The following MAPK14 variants were observed in gnomAD, a reference collection of about 807,000 sequenced individuals.
The protein encoded by MAPK14 is mitogen-activated protein kinase 14.
MAPK14 carries 16 observed loss-of-function variants against 49.6 expected under a neutral mutation model. The ratio of observed to expected loss-of-function variants is 0.32; its 90% CI spans 0.22 to 0.49. The LOEUF (loss-of-function observed/expected upper bound fraction) is 0.49, where lower values mean the gene tolerates loss of function less well. MAPK14 is among the 20% of genes least tolerant of loss of function. The pLI, the probability that MAPK14 is intolerant of heterozygous loss-of-function variation, is 0.99. For missense variants in MAPK14, 200 were observed against 441.2 expected (o/e 0.45, Z 4.90); for synonymous variants, 142 against 158.0 (o/e 0.90, Z 0.76).
chr6:36,078,995 A>G (rs1475754847), intron 8 of MAPK14, among the ~76,000 whole-genome samples: 1 of 152,244 alleles, frequency 6.6e-6, no homozygotes, highest in Non-Finnish European at 1.5e-5. Context: ...TTTTGTTGTC[A>G]TGGGTCAAAG....
At chr6:36,100,826 G>A (rs992622494) in intron 9 of MAPK14, among the ~76,000 whole-genome samples, 3 of 152,058 alleles carry the variant, frequency 2.0e-5, no homozygotes, top group African/African-American at 4.8e-5. Flanking sequence ...AGATGATTGG[G>A]GCACTTCTTT....
At chr6:36,091,844 C>CTTTTTTTTTTTTTTTT (rs1185804651) in intron 8 of MAPK14, 3 of 124,850 alleles carry the variant, frequency 2.4e-5, no homozygotes, top group Non-Finnish European at 3.3e-5. Context: ...CTTTTCTTTT[C>CTTTTTTTTTTTTTTTT]TTTTTTTTTT....
At chr6:36,032,662 A>G (rs1762587056) in intron 1 of MAPK14, among the ~76,000 whole-genome samples, 1 of 152,248 alleles carries the variant, frequency 6.6e-6, no homozygotes, top group Non-Finnish European at 1.5e-5. Context: ...AATACCTACC[A>G]TGGGCCAGAT....
At position 36,096,004 on chromosome 6, in the gene MAPK14, C is replaced by A; in HGVS notation, c.700C>A (p.Leu234Ile). The stretch of plus-strand genomic sequence containing the variant: ...ACCATTAGATATTGATCAGTTGAAG[C>A]TCATTTTAAGACTCGTTGGAACCCC... ...PGTDHIDQLKLILRLVGTPGA... is the reference protein window; with the variant it reads ...PGTDHIDQLKIILRLVGTPGA... The change falls in exon 9 of 12, where the codon CTC becomes ATC. Residue 234 changes from leucine to isoleucine, a missense_variant. By Grantham distance (5) the Leu-to-Ile change is conservative (BLOSUM62 2). This residue lies in a region of MAPK14 where 170 missense variants were observed against 407.0 expected (regional missense o/e 0.42). Coordinates refer to ENST00000229794, the MANE Select transcript of MAPK14 (RefSeq NM_139012.3). 6.2e-7 allele frequency: 1 copy of A among 1,610,500 alleles called. No individual in the cohort carries two copies. Among genetic ancestry groups the A allele is most frequent in the East Asian group, 2.2e-5 (1 of 44,854 alleles).
At chr6:36,039,101 A>G (rs2127400088) in intron 1 of MAPK14, among the ~76,000 whole-genome samples, 1 of 152,316 alleles carries the variant, frequency 6.6e-6, no homozygotes, top group East Asian at 1.9e-4. Context: ...AAACTTAAAT[A>G]TATCATATAG....
At position 36,107,444 on chromosome 6, in the gene MAPK14, G is replaced by C; in HGVS notation, c.842-11G>C. On this transcript the variant is annotated splice_polypyrimidine_tract_variant and intron_variant, in intron 10 of 11. Transcript: ENST00000229794. The surrounding 1 kb of genome is among the most constrained non-coding windows in gnomAD (Gnocchi z 4.3). The stretch of plus-strand genomic sequence containing the variant: ...AAAAACTCTTTTCCTTCCTGTCTAT[G>C]GTACTGATAGCTGTCGACTTGCTGG... 1 of 1,511,556 alleles carries C rather than the reference G, an allele frequency of 6.6e-7. No homozygotes were observed. Among genetic ancestry groups the C allele is most frequent in the East Asian group, 2.4e-5 (1 of 41,682 alleles). The allele number at this position is 1,511,556 out of a possible 1,614,324, so 93.6% of individuals were successfully genotyped here.
chr6:36,073,554 A>G, intron 4 of MAPK14, 137 bp from the exon 5 acceptor site: 3 of 668,382 alleles, frequency 4.5e-6, no homozygotes, highest in Non-Finnish European at 5.2e-6. Flanking sequence ...CACAATACTG[A>G]TAGTTACTTA....
rs374780293 is a variant in MAPK14 at position 36,093,698 on chromosome 6, G to A, written c.683-2289G>A. ...CGCGCCACTGCACCCCAGCCTGGGC[G>A]ACAGAGCGAGAGACTCCGTCTCAAA... On this transcript the variant is annotated intron_variant, in intron 8 of 11. Transcript: ENST00000229794. Among the ~76,000 whole-genome samples, 9 of 128,450 alleles carry A rather than the reference G, an allele frequency of 7.0e-5. No individual in the cohort carries two copies. The South Asian group carries it at 1.7e-3, about 24-fold the overall frequency. The allele number at this position is 128,450 out of a possible 152,430, so 84.3% of individuals were successfully genotyped here.
At chr6:36,080,878 G>C (rs1203798228) in intron 8 of MAPK14, among the ~76,000 whole-genome samples, 1 of 151,234 alleles carries the variant, frequency 6.6e-6, no homozygotes, top group East Asian at 1.9e-4. Context: ...CACCCAAGTA[G>C]TTACAAAGTG....
At chr6:36,072,085 G>A (rs533568322) in intron 3 of MAPK14, among the ~76,000 whole-genome samples, 1 of 152,248 alleles carries the variant, frequency 6.6e-6, no homozygotes, top group South Asian at 2.1e-4. Context: ...AGTTAGAATA[G>A]TAATGTTGGG....
At chr6:36,066,220 C>G (rs922584019) in intron 3 of MAPK14, among the ~76,000 whole-genome samples, 5 of 152,044 alleles carry the variant, frequency 3.3e-5, no homozygotes, top group Non-Finnish European at 7.4e-5. Context: ...ATATCACATA[C>G]AAAATTGCAT....
At chr6:36,100,234 C>G (rs201060351) in intron 9 of MAPK14, 7 of 1,613,708 alleles carry the variant, frequency 4.3e-6, no homozygotes, top group African/African-American at 2.7e-5. Flanking sequence ...GAACACCCCC[C>G]GCTTATCTCA....
chr6:36,121,105 CACAA>C, the MAPK14 span, among the ~76,000 whole-genome samples: 5 of 151,960 alleles, frequency 3.3e-5, no homozygotes, highest in African/African-American at 1.2e-4. Context: ...CCAGACAGGT[CACAA>C]ACAGCTCAAG....
At chr6:36,046,413 T>G (rs1438915905) in intron 1 of MAPK14, among the ~76,000 whole-genome samples, 1 of 152,230 alleles carries the variant, frequency 6.6e-6, no homozygotes, top group African/African-American at 2.4e-5. Flanking sequence ...AGCTCTACTT[T>G]TACAGATGTG....
chr6:36,117,893 T>G, the MAPK14 span, among the ~76,000 whole-genome samples: 1 of 152,258 alleles, frequency 6.6e-6, no homozygotes, highest in South Asian at 2.1e-4. Flanking sequence ...CAGCTTTTAA[T>G]CCCTTGCAGA....
chr6:36,037,873 C>T (rs1441358073), intron 1 of MAPK14, among the ~76,000 whole-genome samples: 2 of 151,884 alleles, frequency 1.3e-5, no homozygotes, highest in African/African-American at 4.8e-5. Context: ...CCTGTAGTTC[C>T]AACTACTTGG....
intron 6 of MAPK14, among the ~76,000 whole-genome samples, chr6:36,074,838 TCTC>T (rs949086768): frequency 2.0e-5 from 3 of 151,718 alleles, no homozygotes; most frequent in Non-Finnish European, 2.9e-5. Context: ...ATGGTGTCGA[TCTC>T]CTGACCTCGT....
intron 8 of MAPK14, among the ~76,000 whole-genome samples, chr6:36,094,888 T>C (rs1437094830): frequency 6.6e-6 from 1 of 152,066 alleles, no homozygotes; most frequent in Non-Finnish European, 1.5e-5. Context: ...TATAGAGTGT[T>C]GAGGGGAGGC....
intron 1 of MAPK14, among the ~76,000 whole-genome samples, chr6:36,034,856 CTG>C (rs1465327877): frequency 1.3e-5 from 2 of 149,340 alleles, no homozygotes; most frequent in Non-Finnish European, 3.0e-5. Flanking sequence ...CTTCATGTCT[CTG>C]TGTCACATTT....
Sources: allele counts gnomAD v4.1 joint callset (sites outside exome capture counted in the v4.1 genomes callset), GRCh38; gene constraint gnomAD v4.1.1; regional missense constraint gnomAD v4.1.1; non-coding constraint Gnocchi (gnomAD v3.1); transcripts MANE v1.5; gene names NCBI Gene and HGNC (gene_info 2026-07-23, HGNC 2026-07-21).